The following IREB2 variants were observed in gnomAD, a reference collection of about 807,000 sequenced individuals.
IREB2 encodes the protein iron responsive element binding protein 2.
In IREB2, 39 loss-of-function variants were observed where a neutral mutation model predicts 118.8. The ratio of observed to expected loss-of-function variants is 0.33; its 90% CI spans 0.25 to 0.43. The LOEUF (loss-of-function observed/expected upper bound fraction) is 0.43, where lower values mean the gene tolerates loss of function less well. Ranked by LOEUF, IREB2 falls within the 20% of genes least tolerant of loss-of-function variation. IREB2 has a pLI of 1.00. For missense variants in IREB2, 900 were observed against 1,147.3 expected (o/e 0.78, Z 3.11); for synonymous variants, 372 against 392.2 (o/e 0.95, Z 0.61).
chr15:78,456,053 CAA>C (rs1415287041), intron 2 of IREB2, among the ~76,000 whole-genome samples: 3 of 151,200 alleles, frequency 2.0e-5, no homozygotes, highest in African/African-American at 7.4e-5. Context: ...AGGTTGAAGC[CAA>C]AAGACTTTTA....
intron 3 of IREB2, among the ~76,000 whole-genome samples, chr15:78,464,771 A>C (rs1348844339): frequency 6.6e-6 from 1 of 152,110 alleles, no homozygotes; most frequent in Non-Finnish European, 1.5e-5. Context: ...AGCCAGAACT[A>C]TGTCTTATTT....
chr15:78,471,893 G>A lies in IREB2; in HGVS notation c.852G>A (p.Thr284=), dbSNP rs761406628. The A allele has an allele frequency of 1.2e-5, 20 of 1,606,340 alleles. No individual in the cohort carries two copies. Among genetic ancestry groups the A allele is most frequent in the Middle Eastern group, 1.7e-4 (1 of 6,032 alleles). ...DSVVGTDSHI[T]MVNGLGILGW... is the part of the protein sequence containing the mutation. ...TAGTCGGCACAGATTCACACATAACGATGGTGAATGGTTTAGGGATTCTGG... is the reference window on the plus strand; with the variant it reads ...TAGTCGGCACAGATTCACACATAACAATGGTGAATGGTTTAGGGATTCTGG... The change falls in exon 7 of 22, where the codon ACG becomes ACA. Residue 284 remains threonine, a synonymous_variant. Coordinates refer to ENST00000258886, the MANE Select transcript of IREB2 (RefSeq NM_004136.4).
At chr15:78,492,553 A>G (rs1342645889) in intron 18 of IREB2, among the ~76,000 whole-genome samples, 2 of 151,258 alleles carry the variant, frequency 1.3e-5, no homozygotes, top group East Asian at 1.9e-4. Flanking sequence ...GATGAAGGAA[A>G]GTTTGTCATT....
At chr15:78,496,212 C>G (rs1314620693) in intron 20 of IREB2, among the ~76,000 whole-genome samples, 1 of 152,168 alleles carries the variant, frequency 6.6e-6, no homozygotes, top group Non-Finnish European at 1.5e-5. Context: ...TCATAGAATT[C>G]TCTCATCCTA....
chr15:78,442,665 T>C (rs1211457745), intron 2 of IREB2, among the ~76,000 whole-genome samples: 1 of 152,156 alleles, frequency 6.6e-6, no homozygotes, highest in Non-Finnish European at 1.5e-5. Flanking sequence ...CTTTAAGAAA[T>C]ACGAGTTTAT....
chr15:78,459,424 G>A (rs960234810), intron 2 of IREB2, among the ~76,000 whole-genome samples: 4 of 151,956 alleles, frequency 2.6e-5, no homozygotes, highest in African/African-American at 7.3e-5. Flanking sequence ...GTCTCCGCTC[G>A]GTGTAGAATC....
At position 78,488,254 on chromosome 15, in the gene IREB2, C is replaced by A. The variant is rs1022387234; in HGVS notation, c.1869C>A (p.Ala623=). Residue 623 remains alanine (A), a synonymous_variant, in exon 15 of 22, where the codon GCC becomes GCA. Transcript: ENST00000258886. ...FEGRLCDCVR[A]NYLASPPLVV... ...GTCGTCTTTGTGATTGTGTTCGTGCCAATTATCTTGCCTCTCCACCCTTAG... is the reference window on the plus strand; with the variant it reads ...GTCGTCTTTGTGATTGTGTTCGTGCAAATTATCTTGCCTCTCCACCCTTAG... The A allele has an allele frequency of 3.7e-6, 6 of 1,611,896 alleles. No homozygotes were observed. In the African/African-American group the frequency reaches 8.0e-5, roughly 22 times the overall value.
At chr15:78,440,532 T>TA (rs1194601741) in intron 2 of IREB2, among the ~76,000 whole-genome samples, 5 of 152,066 alleles carry the variant, frequency 3.3e-5, no homozygotes, top group African/African-American at 1.2e-4. Flanking sequence ...TATAAAAACA[T>TA]ATTTTTATAT....
chr15:78,447,191 T>A (rs1206810842), intron 2 of IREB2, among the ~76,000 whole-genome samples: 5 of 151,460 alleles, frequency 3.3e-5, no homozygotes, highest in African/African-American at 9.7e-5. Context: ...TTTTTTTTTT[T>A]TTTGAGACAG....
intron 3 of IREB2, among the ~76,000 whole-genome samples, chr15:78,464,316 G>T (rs1404547589): frequency 6.6e-6 from 1 of 152,118 alleles, no homozygotes; most frequent in Admixed American, 6.6e-5. Flanking sequence ...GGTGTCCAAG[G>T]ATTATTTATT....
chr15:78,487,926 C>A, intron 14 of IREB2, 109 bp downstream of exon 14: 1 of 725,164 alleles, frequency 1.4e-6, no homozygotes, highest in East Asian at 2.8e-5. Context: ...AAACTCTGCA[C>A]CTCTTGGCAA....
rs575595987 is a variant in IREB2 at position 78,466,243 on chromosome 15, T to C, written c.411-28T>C. On this transcript the variant is annotated intron_variant, in intron 4 of 21. Transcript: ENST00000258886. ...AAATTTGTGTCCCTTTTAAATGGCT[T>C]TATTTTGTTTTCTTTTTGGAATGAC... 9.2e-6 allele frequency: 14 copies of C among 1,515,528 alleles called. No individual in the cohort carries two copies. In the South Asian group the frequency reaches 1.6e-4, roughly 18 times the overall value. The allele number at this position is 1,515,528 out of a possible 1,614,324, so 93.9% of individuals were successfully genotyped here.
chr15:78,455,103 A>G (rs759748130), intron 2 of IREB2, among the ~76,000 whole-genome samples: 1 of 152,258 alleles, frequency 6.6e-6, no homozygotes, highest in East Asian at 1.9e-4. Flanking sequence ...TTCTTGGGCA[A>G]ATGGGGTAAA....
intron 7 of IREB2, 88 bp downstream of exon 7, chr15:78,472,012 A>T: frequency 5.1e-6 from 5 of 972,714 alleles, no homozygotes; most frequent in Non-Finnish European, 7.4e-6. Context: ...GAGTTTGTAT[A>T]GCCTCTTTGA....
At position 78,488,529 on chromosome 15, in the gene IREB2, T is replaced by G. The variant is rs544572474; in HGVS notation, c.1952-118T>G. 43 of 1,107,568 alleles carry G rather than the reference T, an allele frequency of 3.9e-5. No homozygotes were observed. In the African/African-American group the frequency reaches 6.8e-4, roughly 17 times the overall value. The allele number at this position is 1,107,568 out of a possible 1,614,324, so 68.6% of individuals were successfully genotyped here. ...CAGGTAATTAGTTCTTCCAGCCGCTTAAGCCTGAAGCACCCTGTTGAATCA... is the reference window on the plus strand; with the variant it reads ...CAGGTAATTAGTTCTTCCAGCCGCTGAAGCCTGAAGCACCCTGTTGAATCA... On this transcript the variant is annotated intron_variant, in intron 15 of 21. Coordinates refer to ENST00000258886, the MANE Select transcript of IREB2 (RefSeq NM_004136.4).
In IREB2 at chr15:78,498,041, T is replaced by C. The variant is rs985632682; in HGVS notation, c.2790T>C (p.Thr930=). The part of the protein sequence containing the change: ...PGITLNIQTS[T]GKVFSVIASF... Reference sequence around the variant, plus strand: ...TTTTTGCTCCTTTCAAGACAAGCACTGGAAAAGTATTCAGCGTGATTGCTT... The same window carrying C: ...TTTTTGCTCCTTTCAAGACAAGCACCGGAAAAGTATTCAGCGTGATTGCTT... Residue 930 remains threonine, a synonymous_variant, in exon 22 of 22, where the codon ACT becomes ACC. Coordinates refer to ENST00000258886, the MANE Select transcript of IREB2 (RefSeq NM_004136.4). The C allele has an allele frequency of 6.2e-7, 1 of 1,606,492 alleles. No individual in the cohort carries two copies. Among genetic ancestry groups the C allele is most frequent in the African/African-American group, 1.3e-5 (1 of 74,774 alleles).
intron 2 of IREB2, among the ~76,000 whole-genome samples, chr15:78,442,360 T>C (rs967967132): frequency 6.6e-6 from 1 of 152,252 alleles, no homozygotes; most frequent in Non-Finnish European, 1.5e-5. Context: ...AAAATCCTTA[T>C]TGCATTTTTG....
intron 13 of IREB2, among the ~76,000 whole-genome samples, chr15:78,486,613 A>T (rs1465815817): frequency 6.6e-6 from 1 of 152,178 alleles, no homozygotes; most frequent in East Asian, 1.9e-4. Flanking sequence ...TCAAAAAGAA[A>T]AAAAAAAAAG....
chr15:78,463,453 A>C (rs537502595), intron 3 of IREB2, among the ~76,000 whole-genome samples: 1 of 152,054 alleles, frequency 6.6e-6, no homozygotes, highest in Non-Finnish European at 1.5e-5. Flanking sequence ...AAAATAAAAA[A>C]TAAAATAAAA....
Sources: gnomAD v4.1 joint callset for allele counts (sites outside exome capture counted in the v4.1 genomes callset) on GRCh38, gnomAD v4.1.1 for gene constraint, MANE v1.5 for transcripts, NCBI Gene and HGNC (gene_info 2026-07-23, HGNC 2026-07-21) for gene names.